The following CPZ variants were observed in gnomAD, a reference collection of about 807,000 sequenced individuals.
CPZ encodes VEZT/CPZ fusion.
A neutral mutation model predicts 61.8 loss-of-function variants in CPZ; 103 were observed. The observed-to-expected ratio is 1.67, with a 90% CI of 1.42 to 1.96. The LOEUF is 1.96. CPZ is among the 30% of genes most tolerant of loss of function. The pLI is 0.00. For synonymous variants in CPZ, 551 were observed against 373.7 expected (o/e 1.47, Z -5.47); for missense variants, 1,461 against 914.9 (o/e 1.60, Z -7.70).
chr4:8,608,421 T>C (rs1433817946), intron 7 of CPZ, among the ~76,000 whole-genome samples: 1 of 152,158 alleles, frequency 6.6e-6, no homozygotes, highest in Non-Finnish European at 1.5e-5. Context: ...CATCGTTTGT[T>C]CTCCTTTCTG....
chr4:8,607,525 C>A, intron 7 of CPZ, 100 bp downstream of exon 7: 1 of 1,383,350 alleles, frequency 7.2e-7, no homozygotes, highest in Non-Finnish European at 9.8e-7. Flanking sequence ...AGGCAAAGCT[C>A]CTAGGAACCT....
chr4:8,594,578 C>T lies in CPZ; in HGVS notation c.88+1657C>T, dbSNP rs140827641. Among the ~76,000 whole-genome samples the T allele has an allele frequency of 2.6e-3, 390 of 152,270 alleles. 2 individuals are homozygous for T. Among genetic ancestry groups the T allele is most frequent in the African/African-American group, 9.0e-3 (374 of 41,550 alleles). On this transcript the variant is annotated intron_variant, in intron 1 of 10. Transcript: ENST00000360986. Reference sequence around the variant, plus strand: ...ACTGGTCAGTTGAGGAGGGGGAGGACTGACGGGCTGTCACTCCCCTGTTGA... The same window carrying T: ...ACTGGTCAGTTGAGGAGGGGGAGGATTGACGGGCTGTCACTCCCCTGTTGA...
At chr4:8,607,505 A>G in intron 7 of CPZ, 80 bp downstream of exon 7, 1 of 1,500,192 alleles carries the variant, frequency 6.7e-7, no homozygotes, top group Non-Finnish European at 9.0e-7. Context: ...TCCAGTCCTG[A>G]GCTCAGTGAA....
intron 2 of CPZ, among the ~76,000 whole-genome samples, chr4:8,600,650 C>A (rs1289976297): frequency 6.6e-6 from 1 of 152,238 alleles, no homozygotes; most frequent in Non-Finnish European, 1.5e-5. Context: ...GGCTGAGCCG[C>A]ATCTGTCATT....
intron 9 of CPZ, among the ~76,000 whole-genome samples, chr4:8,617,492 C>T (rs1560305099): frequency 2.0e-5 from 3 of 152,204 alleles, no homozygotes; most frequent in African/African-American, 7.2e-5. Flanking sequence ...TAAAATTATA[C>T]AACAGTCGAC....
At position 8,619,480 on chromosome 4, in the gene CPZ, A is replaced by G. The variant is rs1436289072; in HGVS notation, c.1822A>G (p.Ser608Gly). 1.2e-6 allele frequency: 2 copies of G among 1,609,264 alleles called. No individual in the cohort carries two copies. Among genetic ancestry groups the G allele is most frequent in the Non-Finnish European group, 1.7e-6 (2 of 1,176,958 alleles). The change falls in exon 11 of 11, where the codon AGC (serine) becomes GGC (glycine). Residue 608 changes from serine to glycine, a missense_variant. Transcript: ENST00000360986. ...GCCCCACGACCCACTGGGAGGTGCC[A>G]GCTCTTTGGGGGAGGCCACGGAGCC... The part of the protein sequence containing the change: ...TGPHDPLGGA[S>G]SLGEATEPDP...
At position 8,599,449 on chromosome 4, in the gene CPZ, C is replaced by T. The variant is rs376032947; in HGVS notation, c.89-4C>T. The stretch of plus-strand genomic sequence containing the variant: ...CCCTAACAGTGCCATGTCTCTCTTT[C>T]CAGGTGAATGCCACAGGCCACCAGC... On this transcript the variant is annotated splice_region_variant and splice_polypyrimidine_tract_variant and intron_variant, in intron 1 of 10. Transcript: ENST00000360986. 3.7e-6 allele frequency: 6 copies of T among 1,608,920 alleles called. No homozygotes were observed. In the African/African-American group the frequency reaches 4.0e-5, roughly 11 times the overall value.
At chr4:8,618,606 G>A in intron 10 of CPZ, 78 bp downstream of exon 10, 2 of 1,361,050 alleles carry the variant, frequency 1.5e-6, no homozygotes, top group Middle Eastern at 1.8e-4. Context: ...GCACCCTCAG[G>A]CACTCACAGT....
At chr4:8,597,758 G>A (rs1219729183) in intron 1 of CPZ, among the ~76,000 whole-genome samples, 1 of 152,250 alleles carries the variant, frequency 6.6e-6, no homozygotes, top group Non-Finnish European at 1.5e-5. Context: ...GATGCACACT[G>A]TGGCTGATGG....
chr4:8,615,888 G>A (rs1341953375), intron 9 of CPZ, among the ~76,000 whole-genome samples: 2 of 152,248 alleles, frequency 1.3e-5, no homozygotes, highest in Non-Finnish European at 2.9e-5. Flanking sequence ...CCCACACAAA[G>A]TAAAATGGAA....
intron 2 of CPZ, chr4:8,599,864 C>A (rs577786707): frequency 4.0e-6 from 1 of 252,984 alleles, no homozygotes; most frequent in Non-Finnish European, 7.7e-6. Context: ...TCACCTCCCC[C>A]GCCAGGCCCC....
At chr4:8,613,118 G>C (rs1715852334) in intron 8 of CPZ, among the ~76,000 whole-genome samples, 1 of 150,546 alleles carries the variant, frequency 6.6e-6, no homozygotes, top group Non-Finnish European at 1.5e-5. Context: ...AGCTGGGAGA[G>C]GCCCCTCTCT....
rs764061214 is a variant in CPZ at position 8,606,783 on chromosome 4, A to G, written c.953A>G (p.Asn318Ser). 1 of 1,614,118 alleles carries G rather than the reference A, an allele frequency of 6.2e-7. No individual in the cohort carries two copies. The highest frequency in any genetic ancestry group is 1.1e-5 in the South Asian group (1 of 91,078). ...GWTSGRQNAQNLDLNRNFPDL... is the reference protein window; with the variant it reads ...GWTSGRQNAQSLDLNRNFPDL... ...ACGAGCGGGAGGCAGAACGCGCAGA[A>G]CCTGGATCTGAACCGAAATTTCCCG... The change falls in exon 6 of 11, where the codon AAC becomes AGC. Residue 318 changes from asparagine (N) to serine (S), a missense_variant. Physicochemically the swap from Asn to Ser is conservative, Grantham distance 46 (BLOSUM62 1). Coordinates refer to ENST00000360986, the MANE Select transcript of CPZ (RefSeq NM_001014447.3).
At chr4:8,610,007 C>T (rs2109334950) in intron 7 of CPZ, among the ~76,000 whole-genome samples, 1 of 152,330 alleles carries the variant, frequency 6.6e-6, no homozygotes, top group East Asian at 1.9e-4. Context: ...TTTGCTGCTC[C>T]ACACGTGCCC....
At chr4:8,615,244 C>G (rs1322442668) in intron 9 of CPZ, among the ~76,000 whole-genome samples, 1 of 151,986 alleles carries the variant, frequency 6.6e-6, no homozygotes, top group Non-Finnish European at 1.5e-5. Flanking sequence ...AAAATGACCC[C>G]CTCGCTGCCC....
Position 8,606,050 on chromosome 4 carries a change from G to A in CPZ, c.771G>A (p.Met257Ile), listed in dbSNP as rs781211829. ...IHGNEVAGRE[M>I]LIYLAQYLCS... ...GCAACGAGGTGGCGGGCCGGGAGATGCTCATCTACCTAGCCCAGTACCTGT... is the reference window on the plus strand; with the variant it reads ...GCAACGAGGTGGCGGGCCGGGAGATACTCATCTACCTAGCCCAGTACCTGT... The change falls in exon 5 of 11, where the codon ATG (methionine) becomes ATA (isoleucine). Residue 257 changes from methionine to isoleucine, a missense_variant. Transcript: ENST00000360986. 1.2e-6 allele frequency: 2 copies of A among 1,614,140 alleles called. No individual in the cohort carries two copies. Among genetic ancestry groups the A allele is most frequent in the South Asian group, 1.1e-5 (1 of 91,070 alleles).
chr4:8,617,961 A>T (rs1716332823), intron 9 of CPZ: 1 of 177,102 alleles, frequency 5.6e-6, no homozygotes, highest in African/African-American at 2.4e-5. Flanking sequence ...GGCGTGTTAT[A>T]CACGTGTACG....
chr4:8,618,004 G>A (rs542486679), intron 9 of CPZ: 7 of 218,446 alleles, frequency 3.2e-5, no homozygotes, highest in East Asian at 2.3e-4. Flanking sequence ...GCGAGGGTCC[G>A]AGCACTGTCC....
chr4:8,601,190 C>T lies in CPZ; in HGVS notation c.189C>T (p.Asn63=), dbSNP rs747350026. ...CCTACAACCACACCACCTTCCCCAA[C>T]CTGCTTCAGCACCGGTCGTGGGAGG... is the stretch of plus-strand genomic sequence containing the variant. The part of the protein sequence containing the change: ...DAAYNHTTFP[N]LLQHRSWEVV... The change falls in exon 3 of 11, where the codon AAC becomes AAT. Residue 63 remains asparagine (N), a synonymous_variant. Coordinates refer to ENST00000360986, the MANE Select transcript of CPZ (RefSeq NM_001014447.3). The T allele has an allele frequency of 5.0e-6, 8 of 1,611,944 alleles. No homozygotes were observed. In the Middle Eastern group the frequency reaches 6.6e-4, roughly 133 times the overall value.
Sources: gnomAD v4.1 joint callset for allele counts (sites outside exome capture counted in the v4.1 genomes callset) on GRCh38, gnomAD v4.1.1 for gene constraint, MANE v1.5 for transcripts, NCBI Gene and HGNC (gene_info 2026-07-23, HGNC 2026-07-21) for gene names.